Variants in LY96 observed in about 807,000 individuals in gnomAD.
LY96 encodes the protein lymphocyte antigen 96.
In LY96, 18 loss-of-function variants were observed where a neutral mutation model predicts 18.9. The observed-to-expected ratio is 0.95, with a 90% CI of 0.66 to 1.41. The LOEUF is 1.41. LY96 is among the 40% of genes most tolerant of loss of function. The pLI is 0.00. For synonymous variants in LY96, 66 were observed against 62.6 expected (o/e 1.06, Z -0.26); for missense variants, 175 against 182.4 (o/e 0.96, Z 0.23).
At chr8:74,012,592 C>G (rs1816551945) in intron 3 of LY96, among the ~76,000 whole-genome samples, 1 of 151,976 alleles carries the variant, frequency 6.6e-6, no homozygotes, top group Non-Finnish European at 1.5e-5. Flanking sequence ...GATGGGCACC[C>G]TAAAAGCCCT....
chr8:74,064,715 A>G, the LY96 span, among the ~76,000 whole-genome samples: 1 of 152,174 alleles, frequency 6.6e-6, no homozygotes, highest in South Asian at 2.1e-4. Flanking sequence ...TTCTCTATAA[A>G]TTACCCAGCC....
the LY96 span, among the ~76,000 whole-genome samples, chr8:74,080,058 C>T: frequency 2.8e-4 from 42 of 152,196 alleles, 1 homozygote; most frequent in African/African-American, 9.2e-4. Context: ...ATGAAAAGAG[C>T]GAAGGAGTGG....
chr8:74,052,880 T>A, the LY96 span, among the ~76,000 whole-genome samples: 47 of 152,298 alleles, frequency 3.1e-4, no homozygotes, highest in African/African-American at 9.6e-4. Flanking sequence ...GAGTTTACAT[T>A]TACCATGTGG....
chr8:74,067,492 C>A, the LY96 span, among the ~76,000 whole-genome samples: 1 of 152,126 alleles, frequency 6.6e-6, no homozygotes, highest in Non-Finnish European at 1.5e-5. Flanking sequence ...GGATTACAGA[C>A]GTGAGCCACT....
At chr8:74,027,427 C>A (rs1816893734) in intron 4 of LY96, among the ~76,000 whole-genome samples, 1 of 151,666 alleles carries the variant, frequency 6.6e-6, no homozygotes, top group African/African-American at 2.4e-5. Flanking sequence ...GCCTCAACCA[C>A]CCGAGTAGCT....
chr8:74,061,722 TA>T, the LY96 span, among the ~76,000 whole-genome samples: 1 of 152,214 alleles, frequency 6.6e-6, no homozygotes, highest in African/African-American at 2.4e-5. Context: ...GGTATTCAGG[TA>T]AAACCTTAGT....
chr8:74,039,445 A>AT, the LY96 span, among the ~76,000 whole-genome samples: 1 of 152,302 alleles, frequency 6.6e-6, no homozygotes, highest in East Asian at 1.9e-4. Context: ...ATTGTAATAA[A>AT]TAAAGACACA....
At chr8:74,089,065 C>T in the LY96 span, among the ~76,000 whole-genome samples, 7 of 152,122 alleles carry the variant, frequency 4.6e-5, no homozygotes, top group African/African-American at 1.7e-4. Flanking sequence ...TGGGAACAAT[C>T]CCCTGACTTC....
chr8:74,084,605 ATC>A, the LY96 span, among the ~76,000 whole-genome samples: 2 of 151,712 alleles, frequency 1.3e-5, no homozygotes, highest in Non-Finnish European at 2.9e-5. Context: ...CTGTCTTTCA[ATC>A]TCTCTCTCTC....
intron 3 of LY96, among the ~76,000 whole-genome samples, chr8:74,010,908 G>GT (rs67413268): frequency 6.5e-4 from 95 of 146,972 alleles, no homozygotes; most frequent in South Asian, 2.4e-3. Flanking sequence ...GCAGATTACT[G>GT]TTTTTTTTTT....
rs1563710759 is a variant in LY96, at chr8:74,002,058, C to CTTT, written c.113-2738_113-2737insTTT. 4.0e-3 allele frequency among the ~76,000 whole-genome samples: 127 copies of CTTT among 31,652 alleles called. 24 individuals are homozygous for CTTT. Among genetic ancestry groups the CTTT allele is most frequent in the South Asian group, 0.02 (13 of 654 alleles). 20.8% of individuals were successfully genotyped at this position (31,652 alleles called of 152,430 possible). A position where few individuals can be genotyped will look rare whatever the true frequency, so the allele number is the denominator to read the frequency against. Reference sequence around the variant, plus strand: ...TCCTTCCTTCCTTCCTTCCTTCCTTCCTTCCTTCCTTCCTTCCTTTCTTTC... The same window carrying CTTT: ...TCCTTCCTTCCTTCCTTCCTTCCTTCTTTCTTCCTTCCTTCCTTCCTTTCTTTC... On this transcript the variant is annotated intron_variant, in intron 1 of 4. Coordinates refer to ENST00000284818, the MANE Select transcript of LY96 (RefSeq NM_015364.5).
chr8:74,060,906 T>A, the LY96 span, among the ~76,000 whole-genome samples: 6 of 152,234 alleles, frequency 3.9e-5, no homozygotes, highest in African/African-American at 1.4e-4. Context: ...CGTAGCAGGT[T>A]CTGAGCTTTG....
chr8:74,014,169 G>A (rs1262181686), intron 3 of LY96, among the ~76,000 whole-genome samples: 1 of 151,710 alleles, frequency 6.6e-6, no homozygotes, highest in Non-Finnish European at 1.5e-5. Flanking sequence ...CTTGGGCTGG[G>A]TGCCTGTAAT....
chr8:74,068,306 G>A, the LY96 span, among the ~76,000 whole-genome samples: 5 of 151,806 alleles, frequency 3.3e-5, no homozygotes, highest in Non-Finnish European at 7.4e-5. Flanking sequence ...TGTATGTATT[G>A]GGAGTTTGTT....
the LY96 span, among the ~76,000 whole-genome samples, chr8:74,093,638 G>A: frequency 6.6e-5 from 10 of 152,174 alleles, no homozygotes; most frequent in Admixed American, 5.2e-4. Flanking sequence ...CGTGGGAGCA[G>A]ATTGCATGAG....
the LY96 span, among the ~76,000 whole-genome samples, chr8:74,057,163 A>G: frequency 6.6e-6 from 1 of 152,186 alleles, no homozygotes; most frequent in Non-Finnish European, 1.5e-5. Flanking sequence ...CTCTCCACAC[A>G]GACAGTGATT....
At chr8:74,047,076 AT>A in the LY96 span, among the ~76,000 whole-genome samples, 1 of 151,748 alleles carries the variant, frequency 6.6e-6, no homozygotes, top group Non-Finnish European at 1.5e-5. Context: ...TAATTTTTGT[AT>A]TTTTAGTTGA....
At chr8:74,081,578 G>A in the LY96 span, among the ~76,000 whole-genome samples, 1 of 151,998 alleles carries the variant, frequency 6.6e-6, no homozygotes, top group Admixed American at 6.6e-5. Context: ...ATTTTTAGTA[G>A]GGATGAGGTC....
chr8:74,055,888 G>T, the LY96 span: 2 of 152,558 alleles, frequency 1.3e-5, no homozygotes, highest in South Asian at 4.1e-4. Flanking sequence ...GCATGATGGT[G>T]GTTGGCAAGA....
Sources: allele counts gnomAD v4.1 joint callset (sites outside exome capture counted in the v4.1 genomes callset), GRCh38; gene constraint gnomAD v4.1.1; transcripts MANE v1.5; gene names NCBI Gene and HGNC (gene_info 2026-07-23, HGNC 2026-07-21).